Variants in OPCML observed in about 807,000 individuals in gnomAD.
OPCML encodes opioid binding protein/cell adhesion molecule like, also known as opioid-binding protein/cell adhesion molecule.
In OPCML, 13 loss-of-function variants were observed where a neutral mutation model predicts 37.8. The ratio of observed to expected loss-of-function variants is 0.34; its 90% confidence interval spans 0.22 to 0.55. OPCML has a LOEUF of 0.55. Ranked by LOEUF, OPCML falls within the 20% of genes least tolerant of loss-of-function variation. OPCML has a pLI of 0.91. For synonymous variants in OPCML, 176 were observed against 168.8 expected (o/e 1.04, Z -0.33); for missense variants, 341 against 435.6 (o/e 0.78, Z 1.93).
intron 2 of OPCML, among the ~76,000 whole-genome samples, chr11:132,934,473 G>T (rs1045395505): frequency 6.6e-6 from 1 of 152,180 alleles, no homozygotes; most frequent in South Asian, 2.1e-4. Flanking sequence ...TGGACATCAG[G>T]TTATGTGTGG....
chr11:133,053,124 TCC>T (rs1948162059), intron 1 of OPCML, among the ~76,000 whole-genome samples: 1 of 152,216 alleles, frequency 6.6e-6, no homozygotes, highest in Non-Finnish European at 1.5e-5. Flanking sequence ...TTGGTTGGAC[TCC>T]CAGTTCATCA....
intron 2 of OPCML, among the ~76,000 whole-genome samples, chr11:132,832,722 G>T (rs1940767162): frequency 6.6e-6 from 1 of 152,074 alleles, no homozygotes; most frequent in Non-Finnish European, 1.5e-5. Flanking sequence ...CTTTTTGTAG[G>T]CTCAACAGAG....
At chr11:133,437,044 T>C (rs965528378) in intron 1 of OPCML, among the ~76,000 whole-genome samples, 4 of 152,174 alleles carry the variant, frequency 2.6e-5, no homozygotes, top group Non-Finnish European at 4.4e-5. Context: ...AAGCACCTGC[T>C]TCATTTCTTT....
chr11:132,871,213 TAAA>T (rs61664798), intron 2 of OPCML, among the ~76,000 whole-genome samples: 5 of 144,000 alleles, frequency 3.5e-5, no homozygotes, highest in Middle Eastern at 3.4e-3. Context: ...TAACTTAATT[TAAA>T]AAAAAAAAAA....
intron 4 of OPCML, among the ~76,000 whole-genome samples, chr11:132,466,442 C>T (rs1345092396): frequency 1.3e-5 from 2 of 151,656 alleles, no homozygotes; most frequent in African/African-American, 2.4e-5. Flanking sequence ...CGAGATCACG[C>T]CACTGCACTC....
intron 1 of OPCML, among the ~76,000 whole-genome samples, chr11:133,498,919 G>A (rs1228133535): frequency 6.6e-6 from 1 of 152,196 alleles, no homozygotes; most frequent in Non-Finnish European, 1.5e-5. Flanking sequence ...ATGTTTACAA[G>A]AACCCTGTGT....
intron 1 of OPCML, among the ~76,000 whole-genome samples, chr11:133,030,885 C>CA (rs1565407278): frequency 2.7e-5 from 4 of 146,492 alleles, no homozygotes; most frequent in African/African-American, 1.0e-4. Context: ...AGAGTTTGGA[C>CA]TTTTTTTTTT....
intron 3 of OPCML, among the ~76,000 whole-genome samples, chr11:132,634,678 CACTTTCT>C: frequency 1.3e-5 from 2 of 152,244 alleles, no homozygotes; most frequent in Non-Finnish European, 2.9e-5. Flanking sequence ...GAGAAATCAG[CACTTTCT>C]TAAAATTTTT....
At position 133,263,907 on chromosome 11, in the gene OPCML, C is replaced by T. The variant is rs184709129; in HGVS notation, c.61+268357G>A. Among the ~76,000 whole-genome samples, 3 of 152,306 alleles carry T rather than the reference C, an allele frequency of 2.0e-5. No individual in the cohort carries two copies. The East Asian group carries it at 5.8e-4, about 29-fold the overall frequency. On this transcript the variant is annotated intron_variant, in intron 1 of 7. Coordinates refer to ENST00000524381, the MANE Select transcript of OPCML (RefSeq NM_001012393.5). ...AGTTATTTTGTAAAAGTTCTCCAGG[C>T]TCAGTTTGGGACCCAGGGACAATTC...
chr11:132,719,800 G>C (rs1453210034), intron 2 of OPCML, among the ~76,000 whole-genome samples: 1 of 152,226 alleles, frequency 6.6e-6, no homozygotes, highest in Non-Finnish European at 1.5e-5. Context: ...AGATGGTACA[G>C]ATAGGCAGGG....
intron 1 of OPCML, among the ~76,000 whole-genome samples, chr11:133,086,467 T>C (rs746184717): frequency 7.9e-5 from 12 of 152,230 alleles, no homozygotes; most frequent in Non-Finnish European, 1.8e-4. Context: ...AAAGTCAATG[T>C]ATTGTCTGAT....
chr11:132,517,339 C>G (rs2096282262), intron 4 of OPCML, among the ~76,000 whole-genome samples: 1 of 152,114 alleles, frequency 6.6e-6, no homozygotes, highest in Admixed American at 6.5e-5. Context: ...GTGCACAGAG[C>G]TGGACCCAGA....
intron 2 of OPCML, among the ~76,000 whole-genome samples, chr11:132,801,900 T>C (rs1357357745): frequency 1.3e-5 from 2 of 152,188 alleles, no homozygotes; most frequent in Admixed American, 6.5e-5. Context: ...TTTTCGACTT[T>C]GAACATTCCT....
chr11:132,613,654 A>G (rs1938804235), intron 3 of OPCML, among the ~76,000 whole-genome samples: 2 of 152,146 alleles, frequency 1.3e-5, no homozygotes, highest in Admixed American at 1.3e-4. Context: ...AAATAATATA[A>G]TGGCCTTTTA....
At chr11:132,698,558 C>A (rs954238036) in intron 2 of OPCML, among the ~76,000 whole-genome samples, 2 of 152,086 alleles carry the variant, frequency 1.3e-5, no homozygotes, top group Non-Finnish European at 2.9e-5. Context: ...ATATGGTTTG[C>A]AAATATTTTC....
chr11:133,003,150 G>A (rs1947040860), intron 1 of OPCML, among the ~76,000 whole-genome samples: 1 of 152,164 alleles, frequency 6.6e-6, no homozygotes, highest in African/African-American at 2.4e-5. Context: ...GTCATCAATG[G>A]TATTGTATCA....
intron 4 of OPCML, among the ~76,000 whole-genome samples, chr11:132,464,755 AT>A (rs1171588656): frequency 2.0e-5 from 3 of 152,056 alleles, no homozygotes; most frequent in African/African-American, 7.3e-5. Context: ...GATCTGCAAT[AT>A]TTTTTTCTTT....
intron 4 of OPCML, among the ~76,000 whole-genome samples, chr11:132,455,084 A>G (rs934367154): frequency 4.6e-5 from 7 of 152,208 alleles, no homozygotes; most frequent in African/African-American, 1.4e-4. Context: ...CATAACAGCT[A>G]CATTCTTAAA....
intron 1 of OPCML, chr11:133,004,579 A>C (rs1379214921): frequency 2.0e-6 from 2 of 985,322 alleles, no homozygotes; most frequent in African/African-American, 3.5e-5. Context: ...CCATGCAGGC[A>C]CTGCTGCTCC....
Sources: allele counts gnomAD v4.1 joint callset (sites outside exome capture counted in the v4.1 genomes callset), GRCh38; gene constraint gnomAD v4.1.1; transcripts MANE v1.5; gene names NCBI Gene and HGNC (gene_info 2026-07-23, HGNC 2026-07-21).